The following ADAMTSL1 variants were observed in gnomAD, a reference collection of about 807,000 sequenced individuals.
ADAMTSL1 encodes the protein ADAMTS-like protein 1.
A neutral mutation model predicts 201.8 loss-of-function variants in ADAMTSL1; 126 were observed. The observed-to-expected ratio is 0.62, with a 90% CI of 0.54 to 0.72. The LOEUF is 0.72. Among genes scored for constraint, ADAMTSL1 ranks in the 30% least tolerant of loss-of-function variants. The pLI is 0.00. For synonymous variants in ADAMTSL1, 1,121 were observed against 903.4 expected, an observed-to-expected ratio of 1.24 and a Z score of -4.32; for missense variants, 2,679 against 2,277.8, an observed-to-expected ratio of 1.18 and a Z score of -3.59.
intron 2 of ADAMTSL1, among the ~76,000 whole-genome samples, chr9:18,184,987 C>T (rs1389172938): frequency 6.6e-6 from 1 of 152,128 alleles, no homozygotes; most frequent in Non-Finnish European, 1.5e-5. Flanking sequence ...GGTTGAATCT[C>T]CCTTCTCTGA....
intron 16 of ADAMTSL1, among the ~76,000 whole-genome samples, chr9:18,757,529 G>A (rs553425937): frequency 1.1e-4 from 17 of 152,042 alleles, no homozygotes; most frequent in Admixed American, 3.9e-4. Context: ...ATCCCTCTGC[G>A]CATCTGTCCC....
chr9:18,693,814 G>A (rs1016806970), intron 13 of ADAMTSL1, among the ~76,000 whole-genome samples: 1 of 152,174 alleles, frequency 6.6e-6, no homozygotes, highest in African/African-American at 2.4e-5. Flanking sequence ...ACTGGTAGCT[G>A]TTCTAAGAAA....
At position 18,739,808 on chromosome 9, in the gene ADAMTSL1, A is replaced by C. The variant is rs558220168; in HGVS notation, c.2007-13490A>C. On this transcript the variant is annotated intron_variant, in intron 15 of 28. Coordinates refer to ENST00000380548, the MANE Select transcript of ADAMTSL1 (RefSeq NM_001040272.6). The stretch of plus-strand genomic sequence containing the variant: ...TGAATAGGAAGCCTGTGCAAACAGC[A>C]GGCACTGCCCACAGGGGTGTGTATG... Among the ~76,000 whole-genome samples, 7 of 152,266 alleles carry C rather than the reference A, an allele frequency of 4.6e-5. No homozygotes were observed. The South Asian group carries it at 1.5e-3, about 32-fold the overall frequency.
chr9:18,597,282 T>A (rs1425519053), intron 4 of ADAMTSL1, among the ~76,000 whole-genome samples: 1 of 152,240 alleles, frequency 6.6e-6, no homozygotes, highest in Non-Finnish European at 1.5e-5. Flanking sequence ...TGATGTGAGC[T>A]AAATTTTGCT....
intron 1 of ADAMTSL1, among the ~76,000 whole-genome samples, chr9:17,978,342 C>A (rs1396814331): frequency 6.6e-6 from 1 of 151,858 alleles, no homozygotes; most frequent in Non-Finnish European, 1.5e-5. Flanking sequence ...CCATTGTTTT[C>A]TGGCTTTTTT....
At chr9:18,554,136 C>T (rs1429261066) in intron 3 of ADAMTSL1, among the ~76,000 whole-genome samples, 1 of 151,384 alleles carries the variant, frequency 6.6e-6, no homozygotes, top group Non-Finnish European at 1.5e-5. Flanking sequence ...TTTATAAAAA[C>T]ATTTATATCT....
chr9:18,526,029 G>A (rs1564018930), intron 2 of ADAMTSL1, among the ~76,000 whole-genome samples: 1 of 152,158 alleles, frequency 6.6e-6, no homozygotes, highest in Non-Finnish European at 1.5e-5. Context: ...TCTGTCCAAT[G>A]TTGACAGTGG....
At chr9:18,343,372 A>G (rs1835557507) in intron 2 of ADAMTSL1, among the ~76,000 whole-genome samples, 1 of 152,000 alleles carries the variant, frequency 6.6e-6, no homozygotes, top group Admixed American at 6.6e-5. Context: ...GCATACTAAT[A>G]TCTAAAAATG....
chr9:18,829,422 A>C (rs1005872937), intron 22 of ADAMTSL1, among the ~76,000 whole-genome samples: 5 of 152,210 alleles, frequency 3.3e-5, no homozygotes, highest in Admixed American at 6.5e-5. Context: ...AGAGTGCCTC[A>C]TTCTGAAGAC....
intron 1 of ADAMTSL1, among the ~76,000 whole-genome samples, chr9:18,034,404 C>T (rs1821105529): frequency 1.3e-5 from 2 of 152,186 alleles, no homozygotes; most frequent in Admixed American, 6.5e-5. Flanking sequence ...CTTGCTTTTA[C>T]TCCTGTCTCT....
rs559520397 is a variant in ADAMTSL1, at chr9:18,394,139, A to G, written c.208-110690A>G. 7.1e-4 allele frequency among the ~76,000 whole-genome samples: 108 copies of G among 151,928 alleles called. 3 individuals carry two copies. The South Asian group carries it at 0.017, about 24-fold the overall frequency. On this transcript the variant is annotated intron_variant, in intron 2 of 29. Transcript: ENST00000680146. ...AGAGCCATAAAGAGATTGTTGCTTT[A>G]ACTTTAAAAGTACAACTAGAACAAG...
chr9:18,235,521 C>A (rs147272872), intron 2 of ADAMTSL1, among the ~76,000 whole-genome samples: 1 of 152,314 alleles, frequency 6.6e-6, no homozygotes, highest in African/African-American at 2.4e-5. Context: ...AGCTGCCCTG[C>A]TATACCTACA....
intron 8 of ADAMTSL1, among the ~76,000 whole-genome samples, chr9:18,659,728 C>G (rs1410240620): frequency 1.3e-5 from 2 of 152,114 alleles, no homozygotes; most frequent in Non-Finnish European, 2.9e-5. Context: ...GATCATGCCA[C>G]TGTACTCCAG....
At chr9:18,209,728 G>A (rs970091796) in intron 2 of ADAMTSL1, among the ~76,000 whole-genome samples, 1 of 152,014 alleles carries the variant, frequency 6.6e-6, no homozygotes, top group Non-Finnish European at 1.5e-5. Flanking sequence ...ATTTTTGCTG[G>A]GTAACACTTA....
chr9:18,902,929 G>C (rs1196906109), intron 26 of ADAMTSL1, among the ~76,000 whole-genome samples: 4 of 152,204 alleles, frequency 2.6e-5, no homozygotes, highest in African/African-American at 9.6e-5. Context: ...GATTGGCCAG[G>C]CACGGTGGCT....
chr9:18,622,535 A>G (rs1826103949), intron 5 of ADAMTSL1, 166 bp downstream of exon 5: 3 of 1,043,416 alleles, frequency 2.9e-6, no homozygotes, highest in African/African-American at 3.2e-5. Flanking sequence ...CTTAGGTGGG[A>G]CAAGTCAGGT....
chr9:18,776,692 C>T, intron 18 of ADAMTSL1, 89 bp from the exon 19 acceptor site: 1 of 1,376,770 alleles, frequency 7.3e-7, no homozygotes, highest in African/African-American at 1.5e-5. Flanking sequence ...TGGCTCTTTC[C>T]TTTGCCCCTC....
intron 4 of ADAMTSL1, among the ~76,000 whole-genome samples, chr9:18,610,266 T>C (rs1389259711): frequency 6.6e-6 from 1 of 152,184 alleles, no homozygotes; most frequent in Non-Finnish European, 1.5e-5. Flanking sequence ...GCAGAAGAAA[T>C]TTACTATTTC....
chr9:18,194,439 C>G (rs967306935), intron 2 of ADAMTSL1, among the ~76,000 whole-genome samples: 3 of 151,974 alleles, frequency 2.0e-5, no homozygotes, highest in African/African-American at 7.2e-5. Context: ...CTCTCTGACC[C>G]CTGTATCTCA....
Sources: allele counts gnomAD v4.1 joint callset (sites outside exome capture counted in the v4.1 genomes callset), GRCh38; gene constraint gnomAD v4.1.1; transcripts MANE v1.5; gene names NCBI Gene and HGNC (gene_info 2026-07-23, HGNC 2026-07-21).